PLEKHA5: variants seen among roughly 807,000 people sequenced by gnomAD.
The protein encoded by PLEKHA5 is pleckstrin homology domain containing A5, also known as pleckstrin homology domain-containing family A member 5.
PLEKHA5 carries 55 observed loss-of-function variants against 181.9 expected under a neutral mutation model. The ratio of observed to expected loss-of-function variants is 0.30; its 90% confidence interval spans 0.24 to 0.38. PLEKHA5 has a LOEUF of 0.38. Ranked by LOEUF, PLEKHA5 falls within the 10% of genes least tolerant of loss-of-function variation. The pLI, the probability that PLEKHA5 is intolerant of heterozygous loss-of-function variation, is 1.00. For missense variants in PLEKHA5, 1,432 were observed against 1,549.5 expected, an observed-to-expected ratio of 0.92 and a Z score of 1.27; for synonymous variants, 535 against 529.4, an observed-to-expected ratio of 1.01 and a Z score of -0.15.
intron 3 of PLEKHA5, among the ~76,000 whole-genome samples, chr12:19,138,272 G>A (rs73343024): frequency 0.021 from 3,195 of 152,120 alleles, 107 homozygotes; most frequent in African/African-American, 0.072. Context: ...GTAAGTTAGA[G>A]TTAATGGTGT....
intron 3 of PLEKHA5, among the ~76,000 whole-genome samples, chr12:19,227,047 A>G (rs1366122500): frequency 1.3e-5 from 2 of 151,948 alleles, no homozygotes; most frequent in Admixed American, 6.6e-5. Context: ...GATGTTTTCT[A>G]TTATGCAGAA....
intron 15 of PLEKHA5, among the ~76,000 whole-genome samples, chr12:19,299,354 C>T (rs536361671): frequency 6.6e-6 from 1 of 152,310 alleles, no homozygotes; most frequent in South Asian, 2.1e-4. Flanking sequence ...CTCAGGAGAA[C>T]AAAGGCTACC....
At chr12:19,166,576 C>T (rs1288000530) in intron 3 of PLEKHA5, among the ~76,000 whole-genome samples, 1 of 152,124 alleles carries the variant, frequency 6.6e-6, no homozygotes, top group Non-Finnish European at 1.5e-5. Flanking sequence ...CAGGAACTTT[C>T]CTCCCTGGCA....
At chr12:19,191,265 C>T (rs1455545532) in intron 3 of PLEKHA5, among the ~76,000 whole-genome samples, 1 of 152,196 alleles carries the variant, frequency 6.6e-6, no homozygotes, top group Non-Finnish European at 1.5e-5. Context: ...GTGAGATTTA[C>T]ATGGGCAAGA....
chr12:19,338,098 C>A (rs1276079484), intron 21 of PLEKHA5, among the ~76,000 whole-genome samples: 1 of 151,962 alleles, frequency 6.6e-6, no homozygotes, highest in Non-Finnish European at 1.5e-5. Flanking sequence ...CTGTGCTGTC[C>A]AGCATAGTAC....
chr12:19,172,880 T>TG (rs1289654742), intron 3 of PLEKHA5, among the ~76,000 whole-genome samples: 1 of 151,932 alleles, frequency 6.6e-6, no homozygotes, highest in Non-Finnish European at 1.5e-5. Flanking sequence ...CCTGTGCTTT[T>TG]GGGGTGTTAA....
rs1175478116 is a variant in PLEKHA5, at chr12:19,274,552, A to G, written c.882A>G (p.Lys294=). The part of the protein sequence containing the change: ...DKITSENAPT[K]ETNNIPNHRV... Reference sequence around the variant, plus strand: ...TTACATCTGAAAATGCACCAACTAAAGAAACCAATAACATTCCCAACCATA... The same window carrying G: ...TTACATCTGAAAATGCACCAACTAAGGAAACCAATAACATTCCCAACCATA... The change falls in exon 11 of 32, where the codon AAA becomes AAG. Residue 294 remains lysine, a synonymous_variant. Transcript: ENST00000429027. 4 of 1,610,588 alleles carry G rather than the reference A, an allele frequency of 2.5e-6. No individual in the cohort carries two copies. The Admixed American group carries it at 5.1e-5, about 20-fold the overall frequency.
chr12:19,328,072 C>A (rs2092424438), intron 20 of PLEKHA5, among the ~76,000 whole-genome samples: 2 of 152,144 alleles, frequency 1.3e-5, no homozygotes, highest in South Asian at 4.1e-4. Context: ...ATTCCAGCAC[C>A]ATTTATTGAA....
chr12:19,242,348 C>T (rs1284070414), intron 3 of PLEKHA5, among the ~76,000 whole-genome samples: 1 of 152,024 alleles, frequency 6.6e-6, no homozygotes, highest in African/African-American at 2.4e-5. Context: ...AAGCAATACT[C>T]ATGCCTCATC....
At chr12:19,258,621 G>A (rs544945359) in intron 6 of PLEKHA5, among the ~76,000 whole-genome samples, 1 of 143,910 alleles carries the variant, frequency 6.9e-6, no homozygotes, top group African/African-American at 2.5e-5. Context: ...CTGGAGGGCA[G>A]CGGTGTGATC....
intron 3 of PLEKHA5, chr12:19,153,797 A>G (rs1488525748): frequency 6.6e-6 from 1 of 152,184 alleles, no homozygotes; most frequent in Non-Finnish European, 1.5e-5. Flanking sequence ...GATATTTATG[A>G]TAACAAAGTG....
At chr12:19,271,001 T>C (rs998974160) in intron 10 of PLEKHA5, among the ~76,000 whole-genome samples, 4 of 152,182 alleles carry the variant, frequency 2.6e-5, no homozygotes, top group Non-Finnish European at 5.9e-5. Flanking sequence ...TAATTAGAGC[T>C]GGGGAAAAAC....
At chr12:19,362,065 G>A (rs80062199) in intron 29 of PLEKHA5, among the ~76,000 whole-genome samples, 13,940 of 150,934 alleles carry the variant, frequency 0.092, 890 homozygotes, top group Admixed American at 0.17. Context: ...TGTACTCGGA[G>A]GCTGAGGTGA....
chr12:19,333,026 T>C (rs539993614), intron 20 of PLEKHA5, among the ~76,000 whole-genome samples: 1 of 152,302 alleles, frequency 6.6e-6, no homozygotes, highest in East Asian at 1.9e-4. Context: ...TTCATCCATA[T>C]AGTTCCAGAT....
chr12:19,211,894 TAAA>T (rs1206112161), intron 3 of PLEKHA5, among the ~76,000 whole-genome samples: 1 of 152,192 alleles, frequency 6.6e-6, no homozygotes, highest in Non-Finnish European at 1.5e-5. Context: ...TCATGCCAGC[TAAA>T]ATTGGCCTGC....
At chr12:19,141,831 C>A (rs2037436888) in intron 3 of PLEKHA5, among the ~76,000 whole-genome samples, 1 of 152,186 alleles carries the variant, frequency 6.6e-6, no homozygotes, top group Non-Finnish European at 1.5e-5. Context: ...TTCGGTGCTT[C>A]TGAAATTACT....
chr12:19,235,216 A>G (rs2061232864), intron 3 of PLEKHA5, among the ~76,000 whole-genome samples: 1 of 152,170 alleles, frequency 6.6e-6, no homozygotes, highest in South Asian at 2.1e-4. Context: ...TGTTTTCTCA[A>G]CTTGAGATGC....
intron 21 of PLEKHA5, among the ~76,000 whole-genome samples, chr12:19,339,735 C>A (rs1274444089): frequency 6.6e-6 from 1 of 151,998 alleles, no homozygotes; most frequent in East Asian, 1.9e-4. Context: ...TGAATGGTAA[C>A]ATTGCATATA....
At chr12:19,349,920 G>A (rs2094513546) in intron 25 of PLEKHA5, among the ~76,000 whole-genome samples, 1 of 152,110 alleles carries the variant, frequency 6.6e-6, no homozygotes, top group Non-Finnish European at 1.5e-5. Flanking sequence ...AGACCATCCT[G>A]GCTAACATGG....
Sources: gnomAD v4.1 joint callset for allele counts (sites outside exome capture counted in the v4.1 genomes callset) on GRCh38, gnomAD v4.1.1 for gene constraint, MANE v1.5 for transcripts, NCBI Gene and HGNC (gene_info 2026-07-23, HGNC 2026-07-21) for gene names.